Variants in MYO3B observed in about 807,000 individuals in gnomAD.
The protein encoded by MYO3B is myosin IIIB, also known as myosin-IIIb.
In MYO3B, 156 loss-of-function variants were observed where a neutral mutation model predicts 174.6. The observed-to-expected ratio is 0.89, with a 90% CI of 0.78 to 1.02. The LOEUF is 1.02. Among genes scored for constraint, MYO3B ranks in the 50% least tolerant of loss-of-function variants. MYO3B has a pLI of 0.00. For missense variants in MYO3B, 1,632 were observed against 1,639.4 expected (o/e 1.00, Z 0.08); for synonymous variants, 563 against 569.1 (o/e 0.99, Z 0.15).
chr2:170,318,579 T>C (rs1184034689), intron 7 of MYO3B, among the ~76,000 whole-genome samples: 1 of 152,094 alleles, frequency 6.6e-6, no homozygotes, highest in African/African-American at 2.4e-5. Flanking sequence ...TCAAGCGAAA[T>C]TTCCTTGTCT....
intron 16 of MYO3B, among the ~76,000 whole-genome samples, chr2:170,392,830 C>T (rs190634925): frequency 1.0e-3 from 153 of 150,886 alleles, no homozygotes; most frequent in Non-Finnish European, 1.7e-3. Context: ...ATTCATTACA[C>T]GTGTAATAAC....
chr2:170,634,519 G>A (rs1258755536), intron 32 of MYO3B, among the ~76,000 whole-genome samples: 2 of 152,122 alleles, frequency 1.3e-5, no homozygotes, highest in Non-Finnish European at 2.9e-5. Flanking sequence ...AAAAACTGTA[G>A]AAGAAAACCT....
intron 7 of MYO3B, among the ~76,000 whole-genome samples, chr2:170,254,485 G>T (rs1263566368): frequency 1.3e-5 from 2 of 152,232 alleles, no homozygotes; most frequent in East Asian, 1.9e-4. Context: ...CCCTCCCAAG[G>T]CCTCCTGCCT....
At chr2:170,592,931 GAT>G (rs527714854) in intron 32 of MYO3B, among the ~76,000 whole-genome samples, 81 of 151,600 alleles carry the variant, frequency 5.3e-4, no homozygotes, top group African/African-American at 1.8e-3. Context: ...TAGATATCTA[GAT>G]ATCTAGATCT....
intron 32 of MYO3B, among the ~76,000 whole-genome samples, chr2:170,629,449 A>AC (rs1696752656): frequency 1.3e-5 from 2 of 152,242 alleles, no homozygotes; most frequent in Non-Finnish European, 1.5e-5. Context: ...GGGTAAAATT[A>AC]TCATAAAAGT....
intron 27 of MYO3B, among the ~76,000 whole-genome samples, chr2:170,501,082 C>T (rs1014560322): frequency 3.9e-4 from 9 of 23,300 alleles, no homozygotes; most frequent in East Asian, 5.0e-3. Context: ...GATGCTGAGA[C>T]GGGAGGAACA....
intron 7 of MYO3B, among the ~76,000 whole-genome samples, chr2:170,291,853 G>A (rs879358440): frequency 2.0e-4 from 31 of 151,858 alleles, no homozygotes; most frequent in Admixed American, 1.6e-3. Context: ...GCTGCATTTA[G>A]GATCTTCACT....
chr2:170,201,852 C>T (rs867186765), intron 3 of MYO3B, among the ~76,000 whole-genome samples: 9 of 152,098 alleles, frequency 5.9e-5, no homozygotes, highest in Non-Finnish European at 7.4e-5. Context: ...TTTTAAACCT[C>T]GTTGTAACTT....
chr2:170,558,085 A>G (rs1217821532), intron 32 of MYO3B, among the ~76,000 whole-genome samples: 2 of 152,214 alleles, frequency 1.3e-5, no homozygotes, highest in African/African-American at 4.8e-5. Context: ...GCGGATCACA[A>G]GGTCAGGAGA....
intron 32 of MYO3B, among the ~76,000 whole-genome samples, chr2:170,574,030 A>G (rs1559128183): frequency 6.6e-6 from 1 of 152,186 alleles, no homozygotes; most frequent in Non-Finnish European, 1.5e-5. Flanking sequence ...CCAAGAAAGC[A>G]AAATGACTTG....
chr2:170,316,441 A>G (rs2093776097), intron 7 of MYO3B, among the ~76,000 whole-genome samples: 1 of 152,230 alleles, frequency 6.6e-6, no homozygotes, highest in Non-Finnish European at 1.5e-5. Flanking sequence ...TACTCATAAA[A>G]TCTTCATTTT....
intron 7 of MYO3B, among the ~76,000 whole-genome samples, chr2:170,284,236 C>T (rs920206909): frequency 2.0e-5 from 3 of 152,122 alleles, no homozygotes; most frequent in African/African-American, 4.8e-5. Context: ...CCTATATGCA[C>T]CAATCCTTGG....
chr2:170,295,372 C>CT (rs11398834), intron 7 of MYO3B, among the ~76,000 whole-genome samples: 100,373 of 151,436 alleles, frequency 0.66, 33,478 homozygotes, highest in Admixed American at 0.73. Flanking sequence ...TATTGTTTCT[C>CT]TTTTCCCCCA....
chr2:170,260,345 C>CAT (rs1212204665), intron 7 of MYO3B, among the ~76,000 whole-genome samples: 1 of 152,168 alleles, frequency 6.6e-6, no homozygotes, highest in Non-Finnish European at 1.5e-5. Flanking sequence ...AAATGTGGTA[C>CAT]ATATATATCA....
intron 7 of MYO3B, among the ~76,000 whole-genome samples, chr2:170,283,192 T>TG (rs999875239): frequency 1.3e-5 from 2 of 152,108 alleles, no homozygotes; most frequent in African/African-American, 4.8e-5. Flanking sequence ...GTATAGACTC[T>TG]GGGAGCTCTC....
At chr2:170,328,081 T>C (rs940181987) in intron 7 of MYO3B, among the ~76,000 whole-genome samples, 5 of 152,064 alleles carry the variant, frequency 3.3e-5, no homozygotes, top group South Asian at 4.2e-4. Flanking sequence ...GTTGTATTTT[T>C]AGTAGAGACA....
At chr2:170,338,537 T>C (rs2093959244) in intron 8 of MYO3B, among the ~76,000 whole-genome samples, 1 of 152,188 alleles carries the variant, frequency 6.6e-6, no homozygotes, top group Admixed American at 6.5e-5. Flanking sequence ...AATTGGGAAC[T>C]GATTATTATA....
chr2:170,475,470 C>T (rs1303961274), intron 25 of MYO3B, among the ~76,000 whole-genome samples: 1 of 152,178 alleles, frequency 6.6e-6, no homozygotes, highest in African/African-American at 2.4e-5. Context: ...AAGCTGGTCT[C>T]AGACTCCTGG....
At chr2:170,613,749 A>C (rs573482119) in intron 32 of MYO3B, among the ~76,000 whole-genome samples, 64 of 152,298 alleles carry the variant, frequency 4.2e-4, no homozygotes, top group African/African-American at 1.1e-3. Flanking sequence ...AATATAAAGC[A>C]GGCAGAAAAA....
Sources: gnomAD v4.1 joint callset for allele counts (sites outside exome capture counted in the v4.1 genomes callset) on GRCh38, gnomAD v4.1.1 for gene constraint, MANE v1.5 for transcripts, NCBI Gene and HGNC (gene_info 2026-07-23, HGNC 2026-07-21) for gene names.